Variants in RPS6KC1 observed in about 807,000 individuals in gnomAD.
RPS6KC1 encodes the protein inactive ribosomal protein S6 kinase delta-1.
RPS6KC1 carries 54 observed loss-of-function variants against 103.8 expected under a neutral mutation model. The ratio of observed to expected loss-of-function variants is 0.52; its 90% confidence interval spans 0.42 to 0.65. The LOEUF (loss-of-function observed/expected upper bound fraction) is 0.65, where lower values mean the gene tolerates loss of function less well. Among genes scored for constraint, RPS6KC1 ranks in the 30% least tolerant of loss-of-function variants. The pLI is 0.00. For synonymous variants in RPS6KC1, 439 were observed against 438.7 expected (o/e 1.00, Z -0.01); for missense variants, 1,151 against 1,253.8 (o/e 0.92, Z 1.24).
At chr1:213,387,080 C>T in the RPS6KC1 span, among the ~76,000 whole-genome samples, 1 of 152,228 alleles carries the variant, frequency 6.6e-6, no homozygotes, top group African/African-American at 2.4e-5. Context: ...AAGCTGGACA[C>T]AGCACCAGCC....
At chr1:213,434,595 ACAGGTGCATGC>A in the RPS6KC1 span, among the ~76,000 whole-genome samples, 1,903 of 152,186 alleles carry the variant, frequency 0.013, 26 homozygotes, top group Middle Eastern at 0.044. Flanking sequence ...AACTCAGACT[ACAGGTGCATGC>A]CTCCACACCC....
At chr1:213,579,146 C>G in the RPS6KC1 span, among the ~76,000 whole-genome samples, 1 of 152,090 alleles carries the variant, frequency 6.6e-6, no homozygotes, top group Non-Finnish European at 1.5e-5. Context: ...TGAACATAAT[C>G]TCTTGCCTGC....
At chr1:213,595,229 T>C in the RPS6KC1 span, among the ~76,000 whole-genome samples, 1 of 152,196 alleles carries the variant, frequency 6.6e-6, no homozygotes, top group African/African-American at 2.4e-5. Context: ...TGTATACATG[T>C]GGCCTCACAG....
chr1:213,265,418 GAAGA>G (rs1191611581), intron 14 of RPS6KC1, among the ~76,000 whole-genome samples: 1 of 152,116 alleles, frequency 6.6e-6, no homozygotes, highest in African/African-American at 2.4e-5. Context: ...TTATAATGAA[GAAGA>G]AAGAACTTAC....
At chr1:213,637,503 C>A in the RPS6KC1 span, among the ~76,000 whole-genome samples, 1 of 152,090 alleles carries the variant, frequency 6.6e-6, no homozygotes, top group Non-Finnish European at 1.5e-5. Context: ...CAACATGGCA[C>A]ATGTATACCT....
At chr1:213,377,438 G>A in the RPS6KC1 span, among the ~76,000 whole-genome samples, 4 of 152,144 alleles carry the variant, frequency 2.6e-5, no homozygotes, top group Admixed American at 6.5e-5. Context: ...ATTGTTTCAG[G>A]TGTTCTGTGT....
the RPS6KC1 span, among the ~76,000 whole-genome samples, chr1:213,625,689 T>C: frequency 6.6e-6 from 1 of 152,232 alleles, no homozygotes; most frequent in African/African-American, 2.4e-5. Flanking sequence ...GTTTGGTTTT[T>C]TGTCCTTGCG....
At chr1:213,203,306 G>T (rs552471864) in intron 8 of RPS6KC1, among the ~76,000 whole-genome samples, 1 of 152,214 alleles carries the variant, frequency 6.6e-6, no homozygotes, top group Admixed American at 6.5e-5. Context: ...TCCGATTTTG[G>T]AGCATTTTGG....
the RPS6KC1 span, among the ~76,000 whole-genome samples, chr1:213,323,612 A>G: frequency 6.6e-6 from 1 of 152,112 alleles, no homozygotes. Flanking sequence ...GACCATAGAA[A>G]CTTATCAAGT....
chr1:213,205,536 T>TTTTATATATATATATATATA (rs1553378412), intron 8 of RPS6KC1: 6 of 82,318 alleles, frequency 7.3e-5, no homozygotes, highest in Admixed American at 2.2e-4. Flanking sequence ...ACAAACTCAT[T>TTTTATATATATATATATATA]TATATATATA....
the RPS6KC1 span, among the ~76,000 whole-genome samples, chr1:213,704,422 A>G: frequency 1.4e-5 from 2 of 142,082 alleles, no homozygotes; most frequent in Admixed American, 7.0e-5. Context: ...ACTCTGATGT[A>G]TTCTTCAGTA....
the RPS6KC1 span, among the ~76,000 whole-genome samples, chr1:213,569,515 T>TCATA: frequency 6.6e-6 from 1 of 152,150 alleles, no homozygotes; most frequent in Non-Finnish European, 1.5e-5. Context: ...TTGTGTAAAC[T>TCATA]CATAAGTCAC....
At chr1:213,058,544 C>A (rs2077545268) in intron 1 of RPS6KC1, among the ~76,000 whole-genome samples, 1 of 151,776 alleles carries the variant, frequency 6.6e-6, no homozygotes, top group South Asian at 2.1e-4. Flanking sequence ...AAGAGACTAA[C>A]CTTTCTTCGT....
chr1:213,549,810 C>G, the RPS6KC1 span, among the ~76,000 whole-genome samples: 5 of 151,966 alleles, frequency 3.3e-5, no homozygotes, highest in Middle Eastern at 3.2e-3. Flanking sequence ...TGGGGCTCAT[C>G]ATCAGCACCA....
At position 213,129,540 on chromosome 1, in the gene RPS6KC1, C is replaced by T. The variant is rs2085351426; in HGVS notation, c.486C>T (p.Asp162=). The change falls in exon 6 of 15, where the codon GAC becomes GAT. Residue 162 remains aspartate, a synonymous_variant. Transcript: ENST00000366960. Reference sequence around the variant, plus strand: ...TCATATTTCTAGGCTTCTCCAGTGACAGTGATCTGGTATCTCTTACTGTTG... The same window carrying T: ...TCATATTTCTAGGCTTCTCCAGTGATAGTGATCTGGTATCTCTTACTGTTG... ...PECSTEGFSS[D]SDLVSLTVDV... 1.9e-6 allele frequency: 3 copies of T among 1,606,668 alleles called. No individual in the cohort carries two copies. Among genetic ancestry groups the T allele is most frequent in the Non-Finnish European group, 2.5e-6 (3 of 1,176,840 alleles).
the RPS6KC1 span, among the ~76,000 whole-genome samples, chr1:213,502,987 G>A: frequency 1.3e-4 from 20 of 152,118 alleles, no homozygotes; most frequent in East Asian, 2.7e-3. Context: ...TTCTATTCCC[G>A]TAATCAAGCA....
chr1:213,473,771 T>G, the RPS6KC1 span, among the ~76,000 whole-genome samples: 1 of 152,182 alleles, frequency 6.6e-6, no homozygotes. Context: ...CATTTTAGAT[T>G]ATGGTCTAAA....
the RPS6KC1 span, among the ~76,000 whole-genome samples, chr1:213,515,263 G>A: frequency 3.9e-5 from 6 of 152,180 alleles, no homozygotes; most frequent in African/African-American, 1.4e-4. Context: ...TTTGGCTTTT[G>A]TTGCTATTGC....
the RPS6KC1 span, among the ~76,000 whole-genome samples, chr1:213,501,442 T>C: frequency 7.5e-4 from 114 of 152,292 alleles, 1 homozygote; most frequent in Non-Finnish European, 1.9e-4. Context: ...AATGTTGACA[T>C]AATCTCTGGT....
Sources: gnomAD v4.1 joint callset for allele counts (sites outside exome capture counted in the v4.1 genomes callset) on GRCh38, gnomAD v4.1.1 for gene constraint, MANE v1.5 for transcripts, NCBI Gene and HGNC (gene_info 2026-07-23, HGNC 2026-07-21) for gene names.